MRTO4: variants seen among roughly 807,000 people sequenced by gnomAD.
MRTO4 encodes the protein mRNA turnover protein 4 homolog.
A neutral mutation model predicts 28.6 loss-of-function variants in MRTO4; 7 were observed. That is an observed-to-expected ratio of 0.24 (90% CI 0.14 to 0.46). MRTO4 has a LOEUF of 0.46. MRTO4 is among the 20% of genes least tolerant of loss of function. MRTO4 has a pLI of 0.99. For synonymous variants in MRTO4, 113 were observed against 108.2 expected (o/e 1.04, Z -0.27); for missense variants, 302 against 298.3 (o/e 1.01, Z -0.09).
In MRTO4 at chr1:19,258,858, G is replaced by A. The variant is rs2093675813; in HGVS notation, c.*28G>A. The A allele has an allele frequency of 6.2e-7, 1 of 1,608,154 alleles. No homozygotes were observed. Among genetic ancestry groups the A allele is most frequent in the African/African-American group, 1.3e-5 (1 of 74,706 alleles). On this transcript the variant is annotated 3_prime_UTR_variant, in exon 8 of 8. Coordinates refer to ENST00000330263, the MANE Select transcript of MRTO4 (RefSeq NM_016183.4). ...GGGACTCGGGACTGAAGGTCTCCTG[G>A]AAGCTTCTGGGTCTCACTGGACCAT... is the stretch of plus-strand genomic sequence containing the variant.
Position 19,259,741 on chromosome 1 carries a change from C to G in MRTO4, c.*911C>G, listed in dbSNP as rs2093677580. On this transcript the variant is annotated 3_prime_UTR_variant, in exon 8 of 8. Coordinates refer to ENST00000330263, the MANE Select transcript of MRTO4 (RefSeq NM_016183.4). ...ATCCTTCCTAGCCCTCCACACACTT[C>G]CAAACCAGGGCTGCGGATCTGATGG... is the stretch of plus-strand genomic sequence containing the variant. 1 of 152,248 alleles carries G rather than the reference C, an allele frequency of 6.6e-6. No individual in the cohort carries two copies. 9.4% of individuals were successfully genotyped at this position (152,248 alleles called of 1,614,324 possible).
intron 6 of MRTO4, 96 bp from the exon 7 acceptor site, chr1:19,258,381 C>G (rs2093674766): frequency 7.0e-7 from 1 of 1,427,370 alleles, no homozygotes; most frequent in Non-Finnish European, 9.8e-7. Flanking sequence ...GTGGGGAGGG[C>G]AGGTGGCTGA....
At chr1:19,254,868 G>C (rs746486879) in intron 2 of MRTO4, 28 bp downstream of exon 2, 9 of 1,581,242 alleles carry the variant, frequency 5.7e-6, no homozygotes, top group Admixed American at 1.8e-5. Flanking sequence ...TCTAGAGCTT[G>C]CAATTGTTTG....
At chr1:19,258,585 C>A in intron 7 of MRTO4, 32 bp downstream of exon 7, 1 of 1,613,848 alleles carries the variant, frequency 6.2e-7, no homozygotes, top group African/African-American at 1.3e-5. Flanking sequence ...CTGTTGCGGG[C>A]GGGGTTGCTG....
chr1:19,254,711 G>GTT (rs762697848), intron 1 of MRTO4, 71 bp from the exon 2 acceptor site: 3 of 1,279,048 alleles, frequency 2.3e-6, no homozygotes, highest in Non-Finnish European at 3.4e-6. Flanking sequence ...CTGCCAAAGG[G>GTT]GAGAAGAAAA....
Position 19,259,051 on chromosome 1 carries a change from G to A in MRTO4, c.*221G>A, listed in dbSNP as rs761305. On this transcript the variant is annotated 3_prime_UTR_variant, in exon 8 of 8. Coordinates refer to ENST00000330263, the MANE Select transcript of MRTO4 (RefSeq NM_016183.4). ...GCCGAGGTGGGCAGATCATAAGGTC[G>A]GGAGATTAAGACCATCCTGGCTAAC... 448,925 of 517,968 alleles carry A rather than the reference G, an allele frequency of 0.87. 195,307 individuals carry two copies. The highest frequency in any genetic ancestry group is 0.97 in the African/African-American group (50,978 of 52,644). The allele number at this position is 517,968 out of a possible 1,614,324, so 32.1% of individuals were successfully genotyped here.
Position 19,258,487 on chromosome 1 carries a change from T to C in MRTO4, c.504T>C (p.Thr168=), listed in dbSNP as rs779556991. The part of the protein sequence containing the change: ...LPTALKRGVV[T]LLSDYEVCKE... ...CACCCTCTTCTGCAGGTGTGGTGACTCTGCTGTCTGACTACGAGGTGTGCA... is the reference window on the plus strand; with the variant it reads ...CACCCTCTTCTGCAGGTGTGGTGACCCTGCTGTCTGACTACGAGGTGTGCA... The change falls in exon 7 of 8, where the codon ACT becomes ACC. Residue 168 remains threonine, a synonymous_variant. Transcript: ENST00000330263. 7 of 1,613,936 alleles carry C rather than the reference T, an allele frequency of 4.3e-6. No individual in the cohort carries two copies. Among genetic ancestry groups the C allele is most frequent in the South Asian group, 1.1e-5 (1 of 91,082 alleles).
Position 19,257,841 on chromosome 1 carries a change from C to T in MRTO4, c.350C>T (p.Thr117Met), listed in dbSNP as rs772766675. The part of the protein sequence containing the change: ...RTKEEVNEWF[T>M]KYTEMDYARA... ...CTTCTCTTTTCCCTTAGGTGGTTCA[C>T]GAAATACACAGAAATGGACTACGCC... The change falls in exon 6 of 8, where the codon ACG becomes ATG. Residue 117 changes from threonine to methionine, a missense_variant. Thr to Met is a moderately conservative substitution (Grantham distance 81). Coordinates refer to ENST00000330263, the MANE Select transcript of MRTO4 (RefSeq NM_016183.4). 13 of 1,612,734 alleles carry T rather than the reference C, an allele frequency of 8.1e-6. No individual in the cohort carries two copies. Among genetic ancestry groups the T allele is most frequent in the East Asian group, 2.2e-5 (1 of 44,878 alleles).
At chr1:19,251,898 C>T in intron 1 of MRTO4, 35 bp downstream of exon 1, 2 of 1,580,096 alleles carry the variant, frequency 1.3e-6, no homozygotes, top group Non-Finnish European at 1.7e-6. Flanking sequence ...CTGGGGGGAG[C>T]TCCGTGGGCT....
At chr1:19,255,398 G>C (rs952957485) in intron 2 of MRTO4, among the ~76,000 whole-genome samples, 1 of 91,038 alleles carries the variant, frequency 1.1e-5, no homozygotes, top group South Asian at 3.1e-4. Context: ...GTGAGACCCT[G>C]TCTTTAAAAA....
In MRTO4 at chr1:19,252,233, C is replaced by T. The variant is rs2093662651; in HGVS notation, c.28+370C>T. 4 of 330,886 alleles carry T rather than the reference C, an allele frequency of 1.2e-5. 1 individual carries two copies. Among genetic ancestry groups the T allele is most frequent in the South Asian group, 1.1e-4 (3 of 26,164 alleles). The allele number at this position is 330,886 out of a possible 1,614,324, so 20.5% of individuals were successfully genotyped here. On this transcript the variant is annotated intron_variant, in intron 1 of 7. Coordinates refer to ENST00000330263, the MANE Select transcript of MRTO4 (RefSeq NM_016183.4). The stretch of plus-strand genomic sequence containing the variant: ...GCTCCCGCCACCCTGGCTGCCTTTC[C>T]CTTCTTTCAGCACAGGTTTGTTCCC...
rs765809091 is a variant in MRTO4 at position 19,258,665 on chromosome 1, C to T, written c.571-16C>T. ...CTTCATTCCTCCTGATTCTTTGTTC[C>T]CTTTGTCTCTTGCAGAAGCTTTTTG... On this transcript the variant is annotated splice_polypyrimidine_tract_variant and intron_variant, in intron 7 of 7. Transcript: ENST00000330263. 3.7e-6 allele frequency: 6 copies of T among 1,614,102 alleles called. No individual in the cohort carries two copies. In the South Asian group the frequency reaches 5.5e-5, roughly 15 times the overall value.
chr1:19,253,406 GAGTT>G (rs920347855), intron 1 of MRTO4, among the ~76,000 whole-genome samples: 3 of 152,212 alleles, frequency 2.0e-5, no homozygotes, highest in Admixed American at 2.0e-4. Context: ...TTTGGGGAGG[GAGTT>G]AGGCAGAGAG....
rs781169715 is a variant in MRTO4 at position 19,257,499 on chromosome 1, C to T, written c.319C>T (p.Arg107Cys). 8 of 1,614,088 alleles carry T rather than the reference C, an allele frequency of 5.0e-6. No individual in the cohort carries two copies. Among genetic ancestry groups the T allele is most frequent in the South Asian group, 4.4e-5 (4 of 91,092 alleles). ...RGEVGLLFTN[R>C]TKEEVNEWFT... ...TGAGGTGGGTCTCCTGTTCACCAAC[C>T]GCACAAAGGAGGAGGTGAATGAGTA... Residue 107 changes from arginine to cysteine, a missense_variant, in exon 5 of 8, where the codon CGC becomes TGC. Arg to Cys is a radical substitution (Grantham distance 180, BLOSUM62 -3). Transcript: ENST00000330263.
At chr1:19,251,998 C>T (rs1030760043) in intron 1 of MRTO4, 135 bp downstream of exon 1, 4 of 1,301,114 alleles carry the variant, frequency 3.1e-6, no homozygotes, top group Admixed American at 4.7e-5. Flanking sequence ...TGCCTCGCTG[C>T]GAGCTGGAAT....
intron 4 of MRTO4, 30 bp downstream of exon 4, chr1:19,257,175 T>C (rs1345469497): frequency 6.2e-7 from 1 of 1,607,162 alleles, no homozygotes; most frequent in Non-Finnish European, 8.5e-7. Context: ...GGGGTGGAGC[T>C]AAGGCAAAGC....
At chr1:19,256,142 G>C in intron 3 of MRTO4, 91 bp downstream of exon 3, 1 of 1,091,310 alleles carries the variant, frequency 9.2e-7, no homozygotes, top group South Asian at 1.3e-5. Context: ...TGACCCTTTA[G>C]GTGCCTGGGT....
Position 19,258,984 on chromosome 1 carries a change from C to A in MRTO4, c.*154C>A. 1 of 1,005,588 alleles carries A rather than the reference C, an allele frequency of 9.9e-7. No individual in the cohort carries two copies. Among genetic ancestry groups the A allele is most frequent in the Non-Finnish European group, 1.4e-6 (1 of 714,154 alleles). 62.3% of individuals were successfully genotyped at this position (1,005,588 alleles called of 1,614,324 possible). On this transcript the variant is annotated 3_prime_UTR_variant, in exon 8 of 8. Transcript: ENST00000330263. The stretch of plus-strand genomic sequence containing the variant: ...TCCTGTAAAGAATAAAACTGTGGGC[C>A]GGGCGCGGTGGCTCACGCCTGGAAT...
At chr1:19,258,061 C>G (rs1295130301) in intron 6 of MRTO4, 77 bp downstream of exon 6, 27 of 1,520,564 alleles carry the variant, frequency 1.8e-5, no homozygotes, top group East Asian at 2.3e-5. Context: ...CCCTTTCTAG[C>G]TGAGCAAGTT....
Sources: gnomAD v4.1 joint callset for allele counts (sites outside exome capture counted in the v4.1 genomes callset) on GRCh38, gnomAD v4.1.1 for gene constraint, MANE v1.5 for transcripts, NCBI Gene and HGNC (gene_info 2026-07-23, HGNC 2026-07-21) for gene names.